The following PABPC1 variants were observed in gnomAD, a reference collection of about 807,000 sequenced individuals.
PABPC1 encodes polyadenylate-binding protein 1.
Under a neutral mutation model 74.0 loss-of-function variants are expected in PABPC1, and 4 were observed. The observed-to-expected ratio is 0.05, with a 90% confidence interval of 0.03 to 0.12. PABPC1 has a LOEUF of 0.12. Ranked by LOEUF, PABPC1 falls within the 10% of genes least tolerant of loss-of-function variation. The pLI is 1.00. For synonymous variants in PABPC1, 227 were observed against 264.1 expected (o/e 0.86, Z 1.36); for missense variants, 271 against 821.1 (o/e 0.33, Z 8.19).
chr8:100,719,501 A>G (rs867926113), intron 1 of PABPC1, among the ~76,000 whole-genome samples: 1 of 152,256 alleles, frequency 6.6e-6, no homozygotes, highest in South Asian at 2.1e-4. Context: ...CAATGTAGCA[A>G]TAAGTTTTTA....
At chr8:100,713,010 T>C in intron 5 of PABPC1, 77 bp downstream of exon 5, 1 of 1,060,722 alleles carries the variant, frequency 9.4e-7, no homozygotes, top group South Asian at 1.5e-5. Context: ...AAATAGCTAT[T>C]AGTATGCACA....
chr8:100,715,902 C>A (rs1435779402), intron 3 of PABPC1, among the ~76,000 whole-genome samples: 2 of 152,242 alleles, frequency 1.3e-5, no homozygotes, highest in East Asian at 3.9e-4. Flanking sequence ...TGCATGTGTA[C>A]CATGCCAATA....
intron 1 of PABPC1, 95 bp from the exon 2 acceptor site, chr8:100,718,375 C>T: frequency 1.1e-6 from 1 of 948,012 alleles, no homozygotes. Flanking sequence ...TGGGAGGACA[C>T]ATGGTCTCAC....
In PABPC1 at chr8:100,721,339, C is replaced by G; in HGVS notation, c.193+52G>C. 1 of 1,138,304 alleles carries G rather than the reference C, an allele frequency of 8.8e-7. No homozygotes were observed. The highest frequency in any genetic ancestry group is 1.1e-6 in the Non-Finnish European group (1 of 896,390). The allele number at this position is 1,138,304 out of a possible 1,614,324, so 70.5% of individuals were successfully genotyped here. On this transcript the variant is annotated intron_variant, in intron 1 of 14. Transcript: ENST00000318607. The surrounding 1 kb of genome is among the most constrained non-coding windows in gnomAD (Gnocchi z 7.4). ...GCCTACCCCGCCCGCCGCCGCCGCCCGAGCCTCATGGCCGCCCGCCCGCCC... is the reference window on the plus strand; with the variant it reads ...GCCTACCCCGCCCGCCGCCGCCGCCGGAGCCTCATGGCCGCCCGCCCGCCC...
chr8:100,721,102 A>G lies in PABPC1; in HGVS notation c.193+289T>C, dbSNP rs1447627286. 6.6e-6 allele frequency among the ~76,000 whole-genome samples: 1 copy of G among 152,110 alleles called. No homozygotes were observed. The highest frequency in any genetic ancestry group is 1.5e-5 in the Non-Finnish European group (1 of 67,996). On this transcript the variant is annotated intron_variant, in intron 1 of 14. Coordinates refer to ENST00000318607, the MANE Select transcript of PABPC1 (RefSeq NM_002568.4). The surrounding 1 kb of genome is among the most constrained non-coding windows in gnomAD (Gnocchi z 7.4). ...GGCGGGAGCGCCGCGGAGGAACCGA[A>G]TCTCACCCACCCTCCCGGCGCGTCA... is the stretch of plus-strand genomic sequence containing the variant.
chr8:100,708,904 T>TAAAA (rs942657311), intron 9 of PABPC1, among the ~76,000 whole-genome samples: 4 of 146,090 alleles, frequency 2.7e-5, no homozygotes, highest in Admixed American at 1.3e-4. Context: ...AATAAATAAA[T>TAAAA]AAAAAATGAA....
intron 1 of PABPC1, among the ~76,000 whole-genome samples, chr8:100,719,681 C>T (rs191271049): frequency 3.3e-5 from 5 of 152,308 alleles, no homozygotes; most frequent in African/African-American, 9.6e-5. Context: ...TGAAGTTCAA[C>T]TCTTCGAATC....
At position 100,721,221 on chromosome 8, in the gene PABPC1, C is replaced by T. The variant is rs1359770344; in HGVS notation, c.193+170G>A. 6.6e-6 allele frequency among the ~76,000 whole-genome samples: 1 copy of T among 151,486 alleles called. No individual in the cohort carries two copies. The highest frequency in any genetic ancestry group is 1.5e-5 in the Non-Finnish European group (1 of 67,700). On this transcript the variant is annotated intron_variant, in intron 1 of 14. Transcript: ENST00000318607. The surrounding 1 kb of genome is among the most constrained non-coding windows in gnomAD (Gnocchi z 7.4). The stretch of plus-strand genomic sequence containing the variant: ...GGCTGCCGGCAGCGCGGGTCCCCGC[C>T]GGCTCGGGAAACGCGGCTCCAGGGA...
chr8:100,703,485 T>C (rs1810298472), intron 14 of PABPC1, 126 bp from the exon 15 acceptor site: 1 of 152,282 alleles, frequency 6.6e-6, no homozygotes, highest in African/African-American at 2.4e-5. Context: ...CCATACCTGT[T>C]CATTTGTATA....
In PABPC1 at chr8:100,718,243, T is replaced by C; in HGVS notation, c.231A>G (p.Ile77Met). The change falls in exon 2 of 15, where the codon ATA (isoleucine) becomes ATG (methionine). Residue 77 changes from isoleucine (I) to methionine (M), a missense_variant. This residue lies in a region of PABPC1 where 47 missense variants were observed against 214.1 expected (regional missense o/e 0.22). Transcript: ENST00000318607. The part of the protein sequence containing the change: ...RALDTMNFDV[I>M]KGKPVRIMWS... ...ACATGATGCGTACTGGCTTGCCCTT[T>C]ATAACATCAAAATTCATGGTGTCCA... 1.2e-6 allele frequency: 2 copies of C among 1,613,762 alleles called. No individual in the cohort carries two copies. Among genetic ancestry groups the C allele is most frequent in the Non-Finnish European group, 8.5e-7 (1 of 1,179,724 alleles).
intron 9 of PABPC1, among the ~76,000 whole-genome samples, chr8:100,707,904 C>T (rs1810424154): frequency 6.6e-6 from 1 of 152,250 alleles, no homozygotes; most frequent in African/African-American, 2.4e-5. Context: ...CCAAGGAGCC[C>T]TTTGGTGGCC....
intron 14 of PABPC1, 84 bp downstream of exon 14, chr8:100,704,213 T>TGTA (rs1197336895): frequency 2.0e-6 from 2 of 1,008,922 alleles, no homozygotes; most frequent in African/African-American, 3.2e-5. Context: ...TCTTTTGCTA[T>TGTA]GTACATTTCA....
chr8:100,720,929 G>A (rs1810806725), intron 1 of PABPC1, among the ~76,000 whole-genome samples: 3 of 152,196 alleles, frequency 2.0e-5, no homozygotes, highest in African/African-American at 7.2e-5. Flanking sequence ...CGAGGTTACA[G>A]GGTTCAACAC....
rs1810359550 is a variant in PABPC1, at chr8:100,705,645, G to A, written c.1631C>T (p.Pro544Leu). 1 of 1,613,846 alleles carries A rather than the reference G, an allele frequency of 6.2e-7. No individual in the cohort carries two copies. The highest frequency in any genetic ancestry group is 1.3e-5 in the African/African-American group (1 of 74,918). Residue 544 changes from proline to leucine, a missense_variant, in exon 12 of 15, where the codon CCT becomes CTT. Physicochemically the swap from Pro to Leu is moderately conservative, Grantham distance 98. Transcript: ENST00000318607. ...AGATGCCAACATGGAAGCAGTCAAA[G>A]GTTCCTGACCTTGTACATGAACAGC... ...QPAVHVQGQE[P>L]LTASMLASAP...
In PABPC1 at chr8:100,721,379, C is replaced by T. The variant is rs1375481405; in HGVS notation, c.193+12G>A. On this transcript the variant is annotated intron_variant, in intron 1 of 14. Transcript: ENST00000318607. The surrounding 1 kb of genome is among the most constrained non-coding windows in gnomAD (Gnocchi z 7.4). ...CCCGCCCGCCCGGCCGACCGCGGAG[C>T]CCGGCGCTCACCGTCCGCCGGCTGC... The T allele has an allele frequency of 7.3e-6, 11 of 1,500,490 alleles. No homozygotes were observed. The highest frequency in any genetic ancestry group is 1.9e-4 in the Middle Eastern group (1 of 5,310). The allele number at this position is 1,500,490 out of a possible 1,614,324, so 92.9% of individuals were successfully genotyped here. A position where few individuals can be genotyped will look rare whatever the true frequency, so the allele number is the denominator to read the frequency against.
Position 100,721,348 on chromosome 8 carries a change from TGGCCGCCCGCCCGCCC to T in PABPC1, c.193+27_193+42del. The stretch of plus-strand genomic sequence containing the variant: ...GCCCGCCGCCGCCGCCCGAGCCTCA[TGGCCGCCCGCCCGCCC>T]GGCCGACCGCGGAGCCCGGCGCTCA... On this transcript the variant is annotated intron_variant, in intron 1 of 14. Transcript: ENST00000318607. The surrounding 1 kb of genome is among the most constrained non-coding windows in gnomAD (Gnocchi z 7.4). 1 of 1,167,472 alleles carries T rather than the reference TGGCCGCCCGCCCGCCC, an allele frequency of 8.6e-7. No homozygotes were observed. The highest frequency in any genetic ancestry group is 1.1e-6 in the Non-Finnish European group (1 of 894,288). 72.3% of individuals were successfully genotyped at this position (1,167,472 alleles called of 1,614,324 possible). A position where few individuals can be genotyped will look rare whatever the true frequency, so the allele number is the denominator to read the frequency against.
At chr8:100,703,530 T>G (rs910389248) in intron 14 of PABPC1, among the ~76,000 whole-genome samples, 171 bp from the exon 15 acceptor site, 1 of 152,234 alleles carries the variant, frequency 6.6e-6, no homozygotes, top group African/African-American at 2.4e-5. Context: ...ATGGTAACAC[T>G]GGAACAAGAT....
intron 3 of PABPC1, among the ~76,000 whole-genome samples, chr8:100,716,475 A>G (rs1357043789): frequency 6.6e-6 from 1 of 152,208 alleles, no homozygotes; most frequent in Non-Finnish European, 1.5e-5. Context: ...ATACACAGCA[A>G]AGCAGAAGGA....
At chr8:100,720,985 G>T (rs1188872692) in intron 1 of PABPC1, among the ~76,000 whole-genome samples, 1 of 152,194 alleles carries the variant, frequency 6.6e-6, no homozygotes, top group Non-Finnish European at 1.5e-5. Flanking sequence ...CCAGGCTGGG[G>T]CGCCGGCAGG....
Sources: gnomAD v4.1 joint callset for allele counts (sites outside exome capture counted in the v4.1 genomes callset) on GRCh38, gnomAD v4.1.1 for gene constraint, gnomAD v4.1.1 regional missense constraint, Gnocchi (gnomAD v3.1) non-coding constraint, MANE v1.5 for transcripts, NCBI Gene and HGNC (gene_info 2026-07-23, HGNC 2026-07-21) for gene names.